The following MLLT3 variants were observed in gnomAD, a reference collection of about 807,000 sequenced individuals.
The protein encoded by MLLT3 is protein AF-9.
A neutral mutation model predicts 53.2 loss-of-function variants in MLLT3; 4 were observed. The ratio of observed to expected loss-of-function variants is 0.08; its 90% confidence interval spans 0.04 to 0.17. The LOEUF is 0.17. Among genes scored for constraint, MLLT3 ranks in the 10% least tolerant of loss-of-function variants. The pLI, the probability that MLLT3 is intolerant of heterozygous loss-of-function variation, is 1.00. For synonymous variants in MLLT3, 283 were observed against 230.6 expected (o/e 1.23, Z -2.06); for missense variants, 569 against 684.0 (o/e 0.83, Z 1.87).
intron 2 of MLLT3, among the ~76,000 whole-genome samples, chr9:20,488,331 T>C (rs1434600947): frequency 6.6e-6 from 1 of 152,110 alleles, no homozygotes; most frequent in Non-Finnish European, 1.5e-5. Flanking sequence ...CACTGAACTG[T>C]ACACTTAAAA....
At chr9:20,362,592 T>C (rs770625069) in intron 7 of MLLT3, 10 of 150,968 alleles carry the variant, frequency 6.6e-5, no homozygotes, top group African/African-American at 2.0e-4. Context: ...AATATGACCA[T>C]AAAAAACAGT....
At chr9:20,501,082 T>C (rs1454742527) in intron 2 of MLLT3, among the ~76,000 whole-genome samples, 1 of 152,198 alleles carries the variant, frequency 6.6e-6, no homozygotes, top group Non-Finnish European at 1.5e-5. Context: ...TTTGGATAAT[T>C]TACCAATTAT....
At chr9:20,449,686 C>T (rs1823792575) in intron 3 of MLLT3, among the ~76,000 whole-genome samples, 1 of 152,140 alleles carries the variant, frequency 6.6e-6, no homozygotes, top group Admixed American at 6.6e-5. Context: ...TCCACCTCCT[C>T]ACCAAACTTC....
At chr9:20,584,155 C>T (rs1398410797) in intron 2 of MLLT3, among the ~76,000 whole-genome samples, 3 of 152,194 alleles carry the variant, frequency 2.0e-5, no homozygotes, top group East Asian at 1.9e-4. Flanking sequence ...CAGGGCAAAA[C>T]GCCACCAGTC....
chr9:20,621,047 C>T lies in MLLT3; in HGVS notation c.13-213G>A, dbSNP rs1820989825. On this transcript the variant is annotated intron_variant, in intron 1 of 10. Transcript: ENST00000380338. The surrounding 1 kb of genome is among the most constrained non-coding windows in gnomAD (Gnocchi z 7.0). ...CGGCCCGGCTTGGCCCCAGGCGCCC[C>T]GGGCCCCGCATCTACATCGGACAGG... is the stretch of plus-strand genomic sequence containing the variant. The T allele has an allele frequency of 3.2e-5, 22 of 692,386 alleles. No individual in the cohort carries two copies. Among genetic ancestry groups the T allele is most frequent in the South Asian group, 2.6e-4 (17 of 65,942 alleles). 42.9% of individuals were successfully genotyped at this position (692,386 alleles called of 1,614,324 possible).
intron 2 of MLLT3, among the ~76,000 whole-genome samples, chr9:20,605,282 G>T (rs73434570): frequency 0.027 from 4,156 of 152,012 alleles, 214 homozygotes; most frequent in African/African-American, 0.094. Flanking sequence ...ATCATCATCT[G>T]GTTACTATCA....
intron 2 of MLLT3, among the ~76,000 whole-genome samples, chr9:20,534,679 G>A (rs530814745): frequency 1.3e-5 from 2 of 152,160 alleles, no homozygotes; most frequent in Admixed American, 6.5e-5. Flanking sequence ...GAGGTCAGGA[G>A]ATCGAGACCA....
In MLLT3 at chr9:20,344,639, A is replaced by G. The variant is rs996215520; in HGVS notation, c.*1804T>C. The G allele has an allele frequency of 4.3e-5, 9 of 209,288 alleles. No individual in the cohort carries two copies. Among genetic ancestry groups the G allele is most frequent in the Non-Finnish European group, 4.9e-5 (5 of 102,796 alleles). 13.0% of individuals were successfully genotyped at this position (209,288 alleles called of 1,614,324 possible). ...TCCTCTGGGAGGACGCTTCAGAGAA[A>G]TAATTTACAAGGAGCATGGCTGTAT... On this transcript the variant is annotated 3_prime_UTR_variant, in exon 11 of 11. Coordinates refer to ENST00000380338, the MANE Select transcript of MLLT3 (RefSeq NM_004529.4).
chr9:20,600,768 C>G (rs1820400819), intron 2 of MLLT3, among the ~76,000 whole-genome samples: 1 of 152,160 alleles, frequency 6.6e-6, no homozygotes, highest in African/African-American at 2.4e-5. Context: ...TTTATCCTAC[C>G]CCAGTGAACT....
chr9:20,500,056 A>C (rs1402539201), intron 2 of MLLT3, among the ~76,000 whole-genome samples: 1 of 152,240 alleles, frequency 6.6e-6, no homozygotes, highest in Non-Finnish European at 1.5e-5. Context: ...ATCTATTGAT[A>C]CATAATAAGT....
chr9:20,438,608 T>C lies in MLLT3; in HGVS notation c.420+9515A>G, dbSNP rs1823465421. ...TAATTTTATTTTATTTTACTTTATT[T>C]TATTTTTTGTAGAGACAGGTCTCAC... On this transcript the variant is annotated intron_variant, in intron 4 of 10. Coordinates refer to ENST00000380338, the MANE Select transcript of MLLT3 (RefSeq NM_004529.4). Among the ~76,000 whole-genome samples, 4 of 152,102 alleles carry C rather than the reference T, an allele frequency of 2.6e-5. No homozygotes were observed. The South Asian group carries it at 6.2e-4, about 24-fold the overall frequency.
At position 20,478,327 on chromosome 9, in the gene MLLT3, T is replaced by C. The variant is rs60481696; in HGVS notation, c.194-21541A>G. ...AAAGAGCTACAGTGAGGAGAAGAGA[T>C]GTAAGTTCTGTGAAAAGAGTTGTTC... On this transcript the variant is annotated intron_variant, in intron 2 of 10. Transcript: ENST00000380338. 7.1e-3 allele frequency among the ~76,000 whole-genome samples: 1,083 copies of C among 152,286 alleles called. 13 individuals are homozygous for C. Among genetic ancestry groups the C allele is most frequent in the African/African-American group, 0.025 (1,027 of 41,566 alleles).
intron 2 of MLLT3, among the ~76,000 whole-genome samples, chr9:20,570,606 T>C (rs936934236): frequency 1.3e-5 from 2 of 152,214 alleles, no homozygotes; most frequent in African/African-American, 4.8e-5. Flanking sequence ...AGAAAATGAA[T>C]TGTGAACCTT....
At chr9:20,521,008 C>A (rs1263590656) in intron 2 of MLLT3, among the ~76,000 whole-genome samples, 1 of 151,978 alleles carries the variant, frequency 6.6e-6, no homozygotes, top group Non-Finnish European at 1.5e-5. Flanking sequence ...ATTCACAGAA[C>A]CTTTGAAATA....
intron 2 of MLLT3, among the ~76,000 whole-genome samples, chr9:20,592,865 T>C (rs1279598852): frequency 6.6e-6 from 1 of 152,188 alleles, no homozygotes; most frequent in Non-Finnish European, 1.5e-5. Flanking sequence ...ATCCTGGGAA[T>C]TTTAAGCCAC....
chr9:20,561,855 T>C (rs1317359538), intron 2 of MLLT3, among the ~76,000 whole-genome samples: 1 of 152,122 alleles, frequency 6.6e-6, no homozygotes, highest in African/African-American at 2.4e-5. Flanking sequence ...ACAGCTATGA[T>C]TGTCCTACTC....
chr9:20,616,673 C>T (rs1237440296), intron 2 of MLLT3, among the ~76,000 whole-genome samples: 1 of 152,104 alleles, frequency 6.6e-6, no homozygotes, highest in Non-Finnish European at 1.5e-5. Context: ...AATGATTTAG[C>T]AACTTGCCTT....
At chr9:20,431,430 A>C (rs1393938175) in intron 4 of MLLT3, among the ~76,000 whole-genome samples, 1 of 152,178 alleles carries the variant, frequency 6.6e-6, no homozygotes, top group East Asian at 1.9e-4. Flanking sequence ...GAACTGGTTT[A>C]GGTAAGGCTG....
intron 2 of MLLT3, among the ~76,000 whole-genome samples, chr9:20,473,722 A>T (rs891015672): frequency 5.9e-5 from 9 of 151,564 alleles, no homozygotes; most frequent in Admixed American, 2.0e-4. Flanking sequence ...AAAACCATTT[A>T]AAAAAAAGCA....
Sources: allele counts gnomAD v4.1 joint callset (sites outside exome capture counted in the v4.1 genomes callset), GRCh38; gene constraint gnomAD v4.1.1; non-coding constraint Gnocchi (gnomAD v3.1); transcripts MANE v1.5; gene names NCBI Gene and HGNC (gene_info 2026-07-23, HGNC 2026-07-21).